GXYLT2: variants seen among roughly 807,000 people sequenced by gnomAD.
GXYLT2 encodes the protein glucoside xylosyltransferase 2.
Under a neutral mutation model 45.8 loss-of-function variants are expected in GXYLT2, and 53 were observed. The observed-to-expected ratio is 1.16, with a 90% CI of 0.93 to 1.46. GXYLT2 has a LOEUF of 1.46. Ranked by LOEUF, GXYLT2 falls within the 40% of genes most tolerant of loss-of-function variation. The pLI, the probability that GXYLT2 is intolerant of heterozygous loss-of-function variation, is 0.00. For missense variants in GXYLT2, 551 were observed against 544.4 expected (o/e 1.01, Z -0.12); for synonymous variants, 219 against 214.2 (o/e 1.02, Z -0.19).
At chr3:72,920,412 G>T (rs1305602816) in intron 2 of GXYLT2, among the ~76,000 whole-genome samples, 1 of 152,180 alleles carries the variant, frequency 6.6e-6, no homozygotes, top group Admixed American at 6.5e-5. Flanking sequence ...TGAGATTACA[G>T]GCGTCAGCCA....
At chr3:72,931,031 T>G (rs1040920272) in intron 3 of GXYLT2, among the ~76,000 whole-genome samples, 6 of 152,122 alleles carry the variant, frequency 3.9e-5, no homozygotes, top group Admixed American at 2.0e-4. Flanking sequence ...TTCTTGTGAG[T>G]GCACATGAAA....
chr3:72,962,020 C>A lies in GXYLT2; in HGVS notation c.976+4668C>A, dbSNP rs114616184. On this transcript the variant is annotated intron_variant, in intron 5 of 6. Coordinates refer to ENST00000389617, the MANE Select transcript of GXYLT2 (RefSeq NM_001080393.2). ...GGAGGCAGGAGGAGTTCATGGGAAC[C>A]TCAAGGAGCAGGACTCACTCACATG... Among the ~76,000 whole-genome samples the A allele has an allele frequency of 7.5e-3, 1,136 of 152,282 alleles. 6 individuals are homozygous for A. Among genetic ancestry groups the A allele is most frequent in the Middle Eastern group, 0.014 (4 of 294 alleles).
At chr3:72,972,372 G>C (rs986194080) in intron 6 of GXYLT2, among the ~76,000 whole-genome samples, 1 of 62,200 alleles carries the variant, frequency 1.6e-5, no homozygotes, top group Non-Finnish European at 2.7e-5. Context: ...TGAGCTGGGC[G>C]CAGTGGGTCA....
At chr3:72,889,688 A>G (rs1470992279) in intron 1 of GXYLT2, among the ~76,000 whole-genome samples, 1 of 152,218 alleles carries the variant, frequency 6.6e-6, no homozygotes, top group African/African-American at 2.4e-5. Flanking sequence ...GTAAGAGATT[A>G]ATTAGGGTTT....
In GXYLT2 at chr3:72,957,219, T is replaced by C. The variant is rs751597814; in HGVS notation, c.853-10T>C. The C allele has an allele frequency of 3.1e-6, 5 of 1,602,072 alleles. No individual in the cohort carries two copies. The highest frequency in any genetic ancestry group is 3.4e-6 in the Non-Finnish European group (4 of 1,176,240). On this transcript the variant is annotated splice_polypyrimidine_tract_variant and intron_variant, in intron 4 of 6. Coordinates refer to ENST00000389617, the MANE Select transcript of GXYLT2 (RefSeq NM_001080393.2). Reference sequence around the variant, plus strand: ...TGCTTCAGCTGTTCTGATGGTTTTCTTTTTTCCAGAACAGCATGATTCCAA... The same window carrying C: ...TGCTTCAGCTGTTCTGATGGTTTTCCTTTTTCCAGAACAGCATGATTCCAA...
At chr3:72,944,826 C>T (rs957432542) in intron 3 of GXYLT2, among the ~76,000 whole-genome samples, 1 of 151,990 alleles carries the variant, frequency 6.6e-6, no homozygotes, top group Non-Finnish European at 1.5e-5. Context: ...AGGGCATTTT[C>T]GAAATGCATG....
chr3:72,955,653 A>C (rs1710626424), intron 4 of GXYLT2, among the ~76,000 whole-genome samples: 1 of 152,234 alleles, frequency 6.6e-6, no homozygotes, highest in South Asian at 2.1e-4. Context: ...AAATTTCTTC[A>C]AATTACCCTA....
At chr3:72,943,432 A>G (rs897881499) in intron 3 of GXYLT2, among the ~76,000 whole-genome samples, 1 of 149,926 alleles carries the variant, frequency 6.7e-6, no homozygotes, top group Non-Finnish European at 1.5e-5. Flanking sequence ...GCTGGAGTGC[A>G]GTGGCATGAA....
rs1026650668 is a variant in GXYLT2 at position 72,912,207 on chromosome 3, G to A, written c.468+3648G>A. ...GTATTTTTAGTAGAGACAGGGTTTC[G>A]TCACATTGGCCAGGCTTGTCTCGAA... On this transcript the variant is annotated intron_variant, in intron 2 of 6. Coordinates refer to ENST00000389617, the MANE Select transcript of GXYLT2 (RefSeq NM_001080393.2). 5.3e-5 allele frequency among the ~76,000 whole-genome samples: 8 copies of A among 151,596 alleles called. No individual in the cohort carries two copies. In the South Asian group the frequency reaches 6.2e-4, roughly 12 times the overall value.
At chr3:72,967,294 G>T (rs1481884762) in intron 5 of GXYLT2, among the ~76,000 whole-genome samples, 1 of 152,144 alleles carries the variant, frequency 6.6e-6, no homozygotes, top group African/African-American at 2.4e-5. Context: ...GCCTGTGTTT[G>T]CTTTCTTATT....
chr3:72,938,934 G>A (rs1710242630), intron 3 of GXYLT2, among the ~76,000 whole-genome samples: 1 of 152,184 alleles, frequency 6.6e-6, no homozygotes, highest in African/African-American at 2.4e-5. Context: ...AAACTGATCA[G>A]AAGAGGCTAC....
intron 3 of GXYLT2, among the ~76,000 whole-genome samples, chr3:72,924,403 G>C (rs1709882139): frequency 6.6e-6 from 1 of 151,882 alleles, no homozygotes. Context: ...TATGTTGCCA[G>C]CCTGGTCACA....
At chr3:72,932,346 C>T (rs1392010797) in intron 3 of GXYLT2, among the ~76,000 whole-genome samples, 1 of 152,218 alleles carries the variant, frequency 6.6e-6, no homozygotes, top group Non-Finnish European at 1.5e-5. Flanking sequence ...ACATGAGCCA[C>T]CGTACGTGGC....
intron 5 of GXYLT2, among the ~76,000 whole-genome samples, chr3:72,960,704 T>C (rs1710751803): frequency 6.6e-6 from 1 of 151,940 alleles, no homozygotes; most frequent in South Asian, 2.1e-4. Context: ...CATGGGATCT[T>C]TGAACTGAGA....
rs187784515 is a variant in GXYLT2 at position 72,956,451 on chromosome 3, C to T, written c.853-778C>T. ...TTTAAAAGTAAATCATTGTTTAAGA[C>T]AAGGAAAGGTGTTTTTCCTTAAGAT... On this transcript the variant is annotated intron_variant, in intron 4 of 6. Coordinates refer to ENST00000389617, the MANE Select transcript of GXYLT2 (RefSeq NM_001080393.2). 2.4e-3 allele frequency among the ~76,000 whole-genome samples: 360 copies of T among 152,160 alleles called. 1 individual carries two copies. Among genetic ancestry groups the T allele is most frequent in the Non-Finnish European group, 3.8e-3 (258 of 67,996 alleles).
intron 3 of GXYLT2, among the ~76,000 whole-genome samples, chr3:72,953,936 A>G (rs1710575761): frequency 6.6e-6 from 1 of 152,018 alleles, no homozygotes. Flanking sequence ...TCCACAAATA[A>G]TTTAAAAAGC....
intron 2 of GXYLT2, among the ~76,000 whole-genome samples, chr3:72,919,701 G>A (rs954382680): frequency 6.6e-6 from 1 of 152,238 alleles, no homozygotes; most frequent in Non-Finnish European, 1.5e-5. Context: ...GTTGCAGTGA[G>A]CTGAGATTGC....
At chr3:72,929,026 C>T in intron 3 of GXYLT2, 4 of 1,470,284 alleles carry the variant, frequency 2.7e-6, no homozygotes, top group East Asian at 2.3e-5. Flanking sequence ...ACCGCCGCCT[C>T]TCCTTAGCCG....
chr3:72,898,986 C>A (rs1709348341), intron 1 of GXYLT2, among the ~76,000 whole-genome samples: 1 of 151,832 alleles, frequency 6.6e-6, no homozygotes, highest in Admixed American at 6.6e-5. Flanking sequence ...CTGCCTTGGC[C>A]TCCCAAAGTG....
Sources: gnomAD v4.1 joint callset for allele counts (sites outside exome capture counted in the v4.1 genomes callset) on GRCh38, gnomAD v4.1.1 for gene constraint, MANE v1.5 for transcripts, NCBI Gene and HGNC (gene_info 2026-07-23, HGNC 2026-07-21) for gene names.